Variants in MCPH1 observed in about 807,000 individuals in gnomAD.
The protein encoded by MCPH1 is microcephalin.
MCPH1 carries 104 observed loss-of-function variants against 84.5 expected under a neutral mutation model. That is an observed-to-expected ratio of 1.23 (90% confidence interval 1.05 to 1.45). The LOEUF is 1.45. Ranked by LOEUF, MCPH1 falls within the 40% of genes most tolerant of loss-of-function variation. The pLI is 0.00. For synonymous variants in MCPH1, 514 were observed against 366.8 expected, an observed-to-expected ratio of 1.40 and a Z score of -4.58; for missense variants, 1,498 against 1,005.7, an observed-to-expected ratio of 1.49 and a Z score of -6.62.
chr8:6,432,855 T>C (rs1311462907), intron 4 of MCPH1, among the ~76,000 whole-genome samples: 2 of 152,246 alleles, frequency 1.3e-5, no homozygotes, highest in East Asian at 1.9e-4. Flanking sequence ...ATCAAGTGTT[T>C]ATTGTAAAAA....
At chr8:6,588,029 T>C (rs1311461086) in intron 12 of MCPH1, among the ~76,000 whole-genome samples, 2 of 152,232 alleles carry the variant, frequency 1.3e-5, no homozygotes, top group Non-Finnish European at 2.9e-5. Flanking sequence ...GCTTCCCATC[T>C]TGGGGAGGTA....
At chr8:6,570,347 C>A (rs2959776) in intron 12 of MCPH1, among the ~76,000 whole-genome samples, 20,552 of 152,094 alleles carry the variant, frequency 0.14, 2,214 homozygotes, top group African/African-American at 0.29. Flanking sequence ...CGTAGAATTC[C>A]CCTTTGTACA....
chr8:6,418,337 GTTCT>G (rs1294411538), intron 3 of MCPH1, among the ~76,000 whole-genome samples: 3 of 152,020 alleles, frequency 2.0e-5, no homozygotes, highest in African/African-American at 4.8e-5. Flanking sequence ...AAATTTGCCT[GTTCT>G]TTCTTTTTCT....
Position 6,599,090 on chromosome 8 carries a change from G to C in MCPH1, c.2215-22364G>C, listed in dbSNP as rs192689104. Among the ~76,000 whole-genome samples, 724 of 152,286 alleles carry C rather than the reference G, an allele frequency of 4.8e-3. 11 individuals are homozygous for C. Among genetic ancestry groups the C allele is most frequent in the African/African-American group, 0.017 (700 of 41,564 alleles). On this transcript the variant is annotated intron_variant, in intron 12 of 13. Transcript: ENST00000344683. ...TGATAAAAGTGAAAATCCGAGGCGC[G>C]CCTGGGAAGTGGGAATGTTCCCTCC...
intron 5 of MCPH1, among the ~76,000 whole-genome samples, chr8:6,438,507 C>G (rs1378431330): frequency 4.6e-5 from 7 of 152,202 alleles, no homozygotes; most frequent in African/African-American, 1.7e-4. Flanking sequence ...GATCCCACTT[C>G]ATGCAGTCAA....
At chr8:6,555,975 T>C (rs912244225) in intron 12 of MCPH1, among the ~76,000 whole-genome samples, 2 of 152,164 alleles carry the variant, frequency 1.3e-5, no homozygotes, top group East Asian at 3.9e-4. Flanking sequence ...AACAAAGCTG[T>C]GCTCTCAGCA....
chr8:6,565,687 T>A (rs1586653926), intron 12 of MCPH1, among the ~76,000 whole-genome samples: 1 of 152,224 alleles, frequency 6.6e-6, no homozygotes, highest in Non-Finnish European at 1.5e-5. Flanking sequence ...CACCATGCTA[T>A]GCACTGGGGA....
At chr8:6,421,309 A>G (rs1800162611) in intron 3 of MCPH1, among the ~76,000 whole-genome samples, 1 of 152,164 alleles carries the variant, frequency 6.6e-6, no homozygotes, top group African/African-American at 2.4e-5. Context: ...AGGCAATGTG[A>G]TAATTGTTGA....
chr8:6,543,496 G>A lies in MCPH1; in HGVS notation c.2214+43567G>A, dbSNP rs7841269. The stretch of plus-strand genomic sequence containing the variant: ...ACGCACTGACGGGCAATGTGCGTGG[G>A]TCGTGGGGAGCATCCAGCTCCCATC... On this transcript the variant is annotated intron_variant, in intron 12 of 13. Coordinates refer to ENST00000344683, the MANE Select transcript of MCPH1 (RefSeq NM_024596.5). Among the ~76,000 whole-genome samples, 20 of 152,006 alleles carry A rather than the reference G, an allele frequency of 1.3e-4. No homozygotes were observed. The South Asian group carries it at 4.2e-3, about 32-fold the overall frequency.
chr8:6,545,156 C>G (rs1306484410), intron 12 of MCPH1, among the ~76,000 whole-genome samples: 2 of 152,006 alleles, frequency 1.3e-5, no homozygotes, highest in Non-Finnish European at 1.5e-5. Flanking sequence ...TGATAGAAGT[C>G]AGAATAATGT....
chr8:6,641,725 C>A (rs995498060), intron 13 of MCPH1, among the ~76,000 whole-genome samples: 1 of 152,192 alleles, frequency 6.6e-6, no homozygotes, highest in African/African-American at 2.4e-5. Flanking sequence ...ACCTGCGTGA[C>A]TGAGCAAGAC....
At chr8:6,479,528 G>A (rs1186171914) in intron 10 of MCPH1, among the ~76,000 whole-genome samples, 2 of 151,620 alleles carry the variant, frequency 1.3e-5, no homozygotes, top group Admixed American at 6.6e-5. Flanking sequence ...TCCACCTCCC[G>A]GGTTCACGCC....
chr8:6,407,508 G>A (rs983710874), intron 1 of MCPH1, among the ~76,000 whole-genome samples: 1 of 152,158 alleles, frequency 6.6e-6, no homozygotes, highest in African/African-American at 2.4e-5. Context: ...GAAGAGCCCA[G>A]GAGAGGGGAA....
chr8:6,591,034 G>C (rs1828414668), intron 12 of MCPH1, among the ~76,000 whole-genome samples: 2 of 152,206 alleles, frequency 1.3e-5, no homozygotes, highest in Non-Finnish European at 2.9e-5. Flanking sequence ...GAGTAGCTGG[G>C]ATTGCAAGCA....
intron 8 of MCPH1, among the ~76,000 whole-genome samples, chr8:6,452,669 A>G (rs1190338625): frequency 6.6e-6 from 1 of 152,248 alleles, no homozygotes; most frequent in Non-Finnish European, 1.5e-5. Flanking sequence ...GATTAGGACC[A>G]TTATAAAAAG....
chr8:6,576,023 C>T (rs553182009), intron 12 of MCPH1, among the ~76,000 whole-genome samples: 1 of 120,174 alleles, frequency 8.3e-6, no homozygotes, highest in African/African-American at 3.0e-5. Flanking sequence ...TTTGTTACAA[C>T]AACCCTAGCA....
At position 6,550,315 on chromosome 8, in the gene MCPH1, G is replaced by A. The variant is rs1823406395; in HGVS notation, c.2214+50386G>A. ...CCGGGGCATCTGCCTCTCCCTATGTGTGTGGGTCCTGGGAGTGAGGCAGTG... is the reference window on the plus strand; with the variant it reads ...CCGGGGCATCTGCCTCTCCCTATGTATGTGGGTCCTGGGAGTGAGGCAGTG... On this transcript the variant is annotated intron_variant, in intron 12 of 13. Coordinates refer to ENST00000344683, the MANE Select transcript of MCPH1 (RefSeq NM_024596.5). Among the ~76,000 whole-genome samples, 3 of 152,162 alleles carry A rather than the reference G, an allele frequency of 2.0e-5. No individual in the cohort carries two copies. In the South Asian group the frequency reaches 6.2e-4, roughly 31 times the overall value.
intron 12 of MCPH1, among the ~76,000 whole-genome samples, chr8:6,560,846 C>G (rs1471388865): frequency 6.6e-6 from 1 of 152,126 alleles, no homozygotes; most frequent in Non-Finnish European, 1.5e-5. Flanking sequence ...TCAGGTATAC[C>G]TAATGTAAGT....
intron 8 of MCPH1, among the ~76,000 whole-genome samples, chr8:6,450,098 G>A (rs1585847132): frequency 6.6e-6 from 1 of 152,168 alleles, no homozygotes; most frequent in Admixed American, 6.5e-5. Context: ...GTACATACGT[G>A]TTGTGAGCTT....
Sources: gnomAD v4.1 joint callset for allele counts (sites outside exome capture counted in the v4.1 genomes callset) on GRCh38, gnomAD v4.1.1 for gene constraint, MANE v1.5 for transcripts, NCBI Gene and HGNC (gene_info 2026-07-23, HGNC 2026-07-21) for gene names.